The following TJP1 variants were observed in gnomAD, a reference collection of about 807,000 sequenced individuals.
TJP1 encodes the protein tight junction protein 1, also known as tight junction protein ZO-1.
In TJP1, 43 loss-of-function variants were observed where a neutral mutation model predicts 194.2. The observed-to-expected ratio is 0.22, with a 90% CI of 0.17 to 0.29. The LOEUF (loss-of-function observed/expected upper bound fraction) is 0.29, where lower values mean the gene tolerates loss of function less well. TJP1 is among the 10% of genes least tolerant of loss of function. The pLI, the probability that TJP1 is intolerant of heterozygous loss-of-function variation, is 1.00. For missense variants in TJP1, 1,971 were observed against 2,185.7 expected (o/e 0.90, Z 1.96); for synonymous variants, 801 against 779.0 (o/e 1.03, Z -0.47).
At chr15:29,749,920 G>A (rs1401279154) in intron 8 of TJP1, among the ~76,000 whole-genome samples, 1 of 152,062 alleles carries the variant, frequency 6.6e-6, no homozygotes, top group Non-Finnish European at 1.5e-5. Context: ...TCGGCTCACT[G>A]CAACCTCCGC....
At chr15:29,828,578 C>T (rs1044786665) in intron 2 of TJP1, among the ~76,000 whole-genome samples, 1 of 152,294 alleles carries the variant, frequency 6.6e-6, no homozygotes, top group Admixed American at 6.5e-5. Flanking sequence ...CCTCTCCCCC[C>T]ATATGAACAC....
At chr15:29,746,062 T>C (rs1186039127) in intron 8 of TJP1, among the ~76,000 whole-genome samples, 1 of 152,122 alleles carries the variant, frequency 6.6e-6, no homozygotes, top group African/African-American at 2.4e-5. Context: ...TGTAATGAAA[T>C]AGAATGATAT....
chr15:29,886,347 T>C (rs2053114685), intron 2 of TJP1, among the ~76,000 whole-genome samples: 1 of 152,066 alleles, frequency 6.6e-6, no homozygotes, highest in South Asian at 2.1e-4. Flanking sequence ...TGTTAAAAGA[T>C]ATGAGGCAGA....
At chr15:29,923,230 A>G (rs541062268) in intron 2 of TJP1, among the ~76,000 whole-genome samples, 1 of 152,350 alleles carries the variant, frequency 6.6e-6, no homozygotes, top group African/African-American at 2.4e-5. Context: ...GCAGTTTTCA[A>G]AAGAGTGAAG....
At chr15:29,833,943 C>T (rs778326076) in intron 2 of TJP1, among the ~76,000 whole-genome samples, 8 of 98,020 alleles carry the variant, frequency 8.2e-5, no homozygotes, top group South Asian at 4.2e-4. Flanking sequence ...AGTGCAGTGG[C>T]GCAATCTCGG....
rs538238123 is a variant in TJP1, at chr15:29,968,567, C to G, written c.173+100G>C. 1.1e-3 allele frequency: 883 copies of G among 834,800 alleles called. 11 individuals carry two copies. The African/African-American group carries it at 0.015, about 15-fold the overall frequency. The allele number at this position is 834,800 out of a possible 1,614,324, so 51.7% of individuals were successfully genotyped here. ...GGCCCGACAGTCGCGGCCTCGCCCC[C>G]CGCCCGACCGCCCCGGCCGCCGCTC... On this transcript the variant is annotated intron_variant, in intron 1 of 28. Coordinates refer to the TJP1 transcript ENST00000356107.
chr15:29,927,343 A>G lies in TJP1; in HGVS notation c.306+28889T>C, dbSNP rs114291519. ...TCAAAAAAAGGAAGGAAAGAAAAATATGATAGAAATATATCCAAGTACATC... is the reference window on the plus strand; with the variant it reads ...TCAAAAAAAGGAAGGAAAGAAAAATGTGATAGAAATATATCCAAGTACATC... On this transcript the variant is annotated intron_variant, in intron 2 of 28. Coordinates refer to the TJP1 transcript ENST00000356107. Among the ~76,000 whole-genome samples, 1,171 of 152,268 alleles carry G rather than the reference A, an allele frequency of 7.7e-3. 16 individuals carry two copies. Among genetic ancestry groups the G allele is most frequent in the African/African-American group, 0.027 (1,111 of 41,566 alleles).
intron 1 of TJP1, among the ~76,000 whole-genome samples, chr15:29,965,441 A>G (rs2056301491): frequency 2.6e-5 from 4 of 152,094 alleles, no homozygotes; most frequent in Admixed American, 2.6e-4. Context: ...CGACCTCCTG[A>G]CCTCAAGTGG....
chr15:29,873,095 G>A (rs1386043314), intron 2 of TJP1, among the ~76,000 whole-genome samples: 5 of 152,186 alleles, frequency 3.3e-5, no homozygotes, highest in Non-Finnish European at 5.9e-5. Flanking sequence ...ACTGGTAGAA[G>A]AAAACTGCAT....
intron 18 of TJP1, among the ~76,000 whole-genome samples, chr15:29,725,596 TC>T (rs1337873296): frequency 2.1e-4 from 32 of 151,852 alleles, no homozygotes; most frequent in Non-Finnish European, 2.6e-4. Flanking sequence ...AAAGCTTCCC[TC>T]AATGGTGTAT....
chr15:29,934,020 T>A (rs1055922421), intron 2 of TJP1, among the ~76,000 whole-genome samples: 3 of 148,000 alleles, frequency 2.0e-5, no homozygotes, highest in African/African-American at 7.3e-5. Context: ...TAAGGGCTTA[T>A]AAGAGACGAA....
chr15:29,734,437 C>T (rs1419150096), intron 11 of TJP1, 55 bp from the exon 12 acceptor site: 1 of 1,290,962 alleles, frequency 7.7e-7, no homozygotes, highest in Non-Finnish European at 1.1e-6. Flanking sequence ...ATGAAAATAA[C>T]ATACGCAGGA....
intron 8 of TJP1, among the ~76,000 whole-genome samples, chr15:29,745,306 A>AAT (rs2044693464): frequency 6.6e-6 from 1 of 151,212 alleles, no homozygotes; most frequent in Non-Finnish European, 1.5e-5. Flanking sequence ...AATATTGAAA[A>AAT]AAAAAAAAAA....
chr15:29,856,744 C>T (rs1048866807), intron 2 of TJP1, among the ~76,000 whole-genome samples: 12 of 151,774 alleles, frequency 7.9e-5, no homozygotes, highest in African/African-American at 2.4e-4. Flanking sequence ...GAGGCTGAGG[C>T]GGGCAGATCA....
At chr15:29,916,852 T>C (rs1296915136) in intron 2 of TJP1, among the ~76,000 whole-genome samples, 3 of 152,178 alleles carry the variant, frequency 2.0e-5, no homozygotes, top group Non-Finnish European at 4.4e-5. Flanking sequence ...GATAAACCAC[T>C]ACAAAACAGT....
intron 2 of TJP1, among the ~76,000 whole-genome samples, chr15:29,793,370 C>T (rs976138779): frequency 3.3e-5 from 5 of 152,226 alleles, no homozygotes; most frequent in East Asian, 1.9e-4. Flanking sequence ...TGGTTATGTC[C>T]TTCATTCTTT....
chr15:29,732,466 C>T lies in TJP1; in HGVS notation c.1984G>A (p.Ala662Thr), dbSNP rs2043729553. ...TGATAAATATCTGGTTCTTCTCTTG[C>T]CAGCTTTTCTCTGGCAACATCAGCT... Reference protein sequence around the residue: ...PIADVAREKLAREEPDIYQIA... With the variant: ...PIADVAREKLTREEPDIYQIA... Residue 662 changes from alanine to threonine, a missense_variant, in exon 15 of 28, where the codon GCA becomes ACA. Transcript: ENST00000614355. 3 of 1,613,894 alleles carry T rather than the reference C, an allele frequency of 1.9e-6. No individual in the cohort carries two copies. Among genetic ancestry groups the T allele is most frequent in the East Asian group, 2.2e-5 (1 of 44,876 alleles).
intron 2 of TJP1, among the ~76,000 whole-genome samples, chr15:29,947,397 G>A (rs957535999): frequency 2.0e-5 from 3 of 152,176 alleles, no homozygotes; most frequent in African/African-American, 7.2e-5. Flanking sequence ...ACGTATCTCT[G>A]AAAATGCCAT....
intron 2 of TJP1, among the ~76,000 whole-genome samples, chr15:29,784,868 C>T (rs1218405291): frequency 1.3e-5 from 2 of 152,004 alleles, no homozygotes; most frequent in Non-Finnish European, 2.9e-5. Context: ...ATGGTAAAAA[C>T]CATTTTAAAA....
Sources: gnomAD v4.1 joint callset for allele counts (sites outside exome capture counted in the v4.1 genomes callset) on GRCh38, gnomAD v4.1.1 for gene constraint, MANE v1.5 for transcripts, NCBI Gene and HGNC (gene_info 2026-07-23, HGNC 2026-07-21) for gene names.